DLG1: variants seen among roughly 807,000 people sequenced by gnomAD.
DLG1 encodes disks large homolog 1.
In DLG1, 42 loss-of-function variants were observed where a neutral mutation model predicts 123.4. The ratio of observed to expected loss-of-function variants is 0.34; its 90% confidence interval spans 0.27 to 0.44. The LOEUF (loss-of-function observed/expected upper bound fraction) is 0.44. DLG1 is among the 20% of genes least tolerant of loss of function. The pLI is 1.00. For synonymous variants in DLG1, 317 were observed against 356.2 expected (o/e 0.89, Z 1.24); for missense variants, 942 against 1,082.6 (o/e 0.87, Z 1.82).
At position 197,261,899 on chromosome 3, in the gene DLG1, T is replaced by C. The variant is rs563725192; in HGVS notation, c.318+20780A>G. ...GATTAAATAATATACACAGGGCACT[T>C]AGAATAATGCTGACTTGTTAGGTCA... On this transcript the variant is annotated intron_variant, in intron 4 of 24. Transcript: ENST00000667157. Among the ~76,000 whole-genome samples, 34 of 152,316 alleles carry C rather than the reference T, an allele frequency of 2.2e-4. No homozygotes were observed. In the East Asian group the frequency reaches 4.8e-3, roughly 22 times the overall value.
At chr3:197,146,133 A>C (rs1790656972) in intron 6 of DLG1, among the ~76,000 whole-genome samples, 3 of 152,146 alleles carry the variant, frequency 2.0e-5, no homozygotes, top group Admixed American at 2.0e-4. Context: ...AAAACTACAA[A>C]ACACTGCTGA....
intron 5 of DLG1, among the ~76,000 whole-genome samples, chr3:197,167,540 A>G (rs1178181605): frequency 6.6e-6 from 1 of 152,230 alleles, no homozygotes; most frequent in Non-Finnish European, 1.5e-5. Context: ...ATTTCTACCA[A>G]AGGTATATAA....
chr3:197,112,046 C>T (rs935107136), intron 13 of DLG1, among the ~76,000 whole-genome samples: 1 of 152,162 alleles, frequency 6.6e-6, no homozygotes, highest in African/African-American at 2.4e-5. Context: ...TGTTTAACTT[C>T]TTAAAAACCT....
At chr3:197,130,221 T>C (rs541034624) in intron 11 of DLG1, among the ~76,000 whole-genome samples, 1 of 152,266 alleles carries the variant, frequency 6.6e-6, no homozygotes, top group Admixed American at 6.5e-5. Flanking sequence ...AGTGGAAAAC[T>C]TAGAACAAAA....
intron 10 of DLG1, among the ~76,000 whole-genome samples, chr3:197,134,930 C>A (rs1447121492): frequency 6.6e-6 from 1 of 152,178 alleles, no homozygotes; most frequent in African/African-American, 2.4e-5. Flanking sequence ...ATAAAAGGGC[C>A]AGCAGATAAA....
intron 4 of DLG1, among the ~76,000 whole-genome samples, chr3:197,196,840 T>C (rs1177248482): frequency 1.3e-5 from 2 of 151,828 alleles, no homozygotes; most frequent in Non-Finnish European, 2.9e-5. Flanking sequence ...CATAAAACTA[T>C]GTATGTACAT....
chr3:197,076,554 T>C (rs1406711246), intron 18 of DLG1, 32 bp downstream of exon 18: 1 of 1,550,134 alleles, frequency 6.5e-7, no homozygotes. Flanking sequence ...CTCCATTTTA[T>C]TTTCAGTTGA....
chr3:197,271,426 A>G (rs1222777911), intron 4 of DLG1, among the ~76,000 whole-genome samples: 1 of 152,160 alleles, frequency 6.6e-6, no homozygotes, highest in Non-Finnish European at 1.5e-5. Context: ...CCCTTCCTAT[A>G]CTATCTTCAC....
rs1777319332 is a variant in DLG1 at position 197,296,285 on chromosome 3, A to C, written c.151+61T>G. 2.7e-6 allele frequency: 4 copies of C among 1,479,952 alleles called. No homozygotes were observed. In the East Asian group the frequency reaches 9.2e-5, roughly 34 times the overall value. The allele number at this position is 1,479,952 out of a possible 1,614,324, so 91.7% of individuals were successfully genotyped here. A position where few individuals can be genotyped will look rare whatever the true frequency, so the allele number is the denominator to read the frequency against. On this transcript the variant is annotated intron_variant, in intron 3 of 24. Coordinates refer to ENST00000667157, the MANE Select transcript of DLG1 (RefSeq NM_001366207.1). ...ACATCATTTTCTTAAGTTTAAAATA[A>C]ATGAATTGAGAGGAGCATAAAGCCT...
intron 4 of DLG1, among the ~76,000 whole-genome samples, chr3:197,233,156 AC>A (rs1744133368): frequency 6.6e-6 from 1 of 152,200 alleles, no homozygotes; most frequent in Admixed American, 6.5e-5. Context: ...TAATCTGAAA[AC>A]AAAATTAAGA....
chr3:197,122,312 T>C (rs1006022687), intron 11 of DLG1, among the ~76,000 whole-genome samples: 4 of 152,060 alleles, frequency 2.6e-5, no homozygotes, highest in African/African-American at 9.7e-5. Flanking sequence ...TTAACTTTCT[T>C]AATACAAAAA....
intron 10 of DLG1, among the ~76,000 whole-genome samples, chr3:197,134,212 C>T (rs1042725003): frequency 2.6e-5 from 4 of 152,116 alleles, no homozygotes; most frequent in Non-Finnish European, 5.9e-5. Flanking sequence ...AGTTCAAGTT[C>T]TGCTCTTTCC....
intron 5 of DLG1, among the ~76,000 whole-genome samples, chr3:197,165,964 A>C (rs765884401): frequency 2.0e-5 from 3 of 152,210 alleles, no homozygotes; most frequent in Non-Finnish European, 2.9e-5. Context: ...CCTGAATAGG[A>C]AAGTGCATGT....
At chr3:197,278,493 C>A (rs1767639140) in intron 4 of DLG1, among the ~76,000 whole-genome samples, 1 of 150,518 alleles carries the variant, frequency 6.6e-6, no homozygotes, top group African/African-American at 2.4e-5. Context: ...AAAAGTAGTA[C>A]AAAAAAGAAA....
At chr3:197,274,980 C>T (rs1765696978) in intron 4 of DLG1, among the ~76,000 whole-genome samples, 1 of 152,138 alleles carries the variant, frequency 6.6e-6, no homozygotes, top group African/African-American at 2.4e-5. Context: ...GTCAGGACTT[C>T]AAGACCAGCT....
chr3:197,058,148 C>G (rs1293165743), intron 23 of DLG1, among the ~76,000 whole-genome samples: 1 of 151,670 alleles, frequency 6.6e-6, no homozygotes, highest in Non-Finnish European at 1.5e-5. Flanking sequence ...CTGGCTATTT[C>G]TTTGTATTTT....
chr3:197,093,910 G>T (rs1759198925), intron 14 of DLG1, among the ~76,000 whole-genome samples: 1 of 152,004 alleles, frequency 6.6e-6, no homozygotes, highest in African/African-American at 2.4e-5. Flanking sequence ...TAGTGCTTTG[G>T]GTCATTTGTA....
intron 5 of DLG1, among the ~76,000 whole-genome samples, chr3:197,162,387 A>C (rs1275040548): frequency 6.6e-6 from 1 of 152,180 alleles, no homozygotes; most frequent in Non-Finnish European, 1.5e-5. Context: ...AACACAGGAA[A>C]GTTGTTTAGT....
intron 4 of DLG1, among the ~76,000 whole-genome samples, chr3:197,268,980 T>C (rs1282803977): frequency 6.6e-6 from 1 of 152,154 alleles, no homozygotes; most frequent in African/African-American, 2.4e-5. Flanking sequence ...TGAAAGGTCT[T>C]CAGAGGCAAT....
Sources: gnomAD v4.1 joint callset for allele counts (sites outside exome capture counted in the v4.1 genomes callset) on GRCh38, gnomAD v4.1.1 for gene constraint, MANE v1.5 for transcripts, NCBI Gene and HGNC (gene_info 2026-07-23, HGNC 2026-07-21) for gene names.